BCL9L: variants seen among roughly 807,000 people sequenced by gnomAD.
BCL9L encodes the protein B-cell CLL/lymphoma 9-like protein.
BCL9L carries 19 observed loss-of-function variants against 99.4 expected under a neutral mutation model. The observed-to-expected ratio is 0.19, with a 90% CI of 0.13 to 0.28. The LOEUF (loss-of-function observed/expected upper bound fraction) is 0.28, where lower values mean the gene tolerates loss of function less well. Among genes scored for constraint, BCL9L ranks in the 10% least tolerant of loss-of-function variants. The pLI is 1.00. For synonymous variants in BCL9L, 900 were observed against 854.8 expected (o/e 1.05, Z -0.92); for missense variants, 2,023 against 2,101.6 (o/e 0.96, Z 0.73).
chr11:118,910,242 G>A, intron 2 of BCL9L: 1 of 411,810 alleles, frequency 2.4e-6, no homozygotes, highest in Non-Finnish European at 4.6e-6. Flanking sequence ...GCAAGCCTCC[G>A]CCCCGACGGG....
At chr11:118,907,707 G>C (rs1940585358) in intron 4 of BCL9L, 105 bp from the exon 5 acceptor site, 1 of 1,522,430 alleles carries the variant, frequency 6.6e-7, no homozygotes, top group Admixed American at 2.0e-5. Flanking sequence ...CCACCCTAGA[G>C]GGCACTGCCC....
In BCL9L at chr11:118,897,720, C is replaced by G. The variant is rs1316112867; in HGVS notation, c.*695G>C. ...CCTGGGTCCAGGGGAATGGAGGGAG[C>G]AATAACTTGAAGAAGGGGGGAAGGG... On this transcript the variant is annotated 3_prime_UTR_variant, in exon 10 of 10. Coordinates refer to ENST00000683865, the MANE Select transcript of BCL9L (RefSeq NM_001378213.1). The G allele has an allele frequency of 2.2e-6, 1 of 448,884 alleles. No homozygotes were observed. The highest frequency in any genetic ancestry group is 7.0e-5 in the East Asian group (1 of 14,364). The allele number at this position is 448,884 out of a possible 1,614,324, so 27.8% of individuals were successfully genotyped here. A position where few individuals can be genotyped will look rare whatever the true frequency, so the allele number is the denominator to read the frequency against.
intron 3 of BCL9L, among the ~76,000 whole-genome samples, chr11:118,909,236 G>C (rs1480230747): frequency 6.6e-6 from 1 of 152,006 alleles, no homozygotes; most frequent in Non-Finnish European, 1.5e-5. Flanking sequence ...AGGCCAGGCC[G>C]GCAGGCAGAA....
In BCL9L at chr11:118,900,521, T is replaced by A; in HGVS notation, c.3124+98A>T. The A allele has an allele frequency of 6.7e-7, 1 of 1,488,788 alleles. No homozygotes were observed. The highest frequency in any genetic ancestry group is 1.4e-5 in the South Asian group (1 of 73,756). 92.2% of individuals were successfully genotyped at this position (1,488,788 alleles called of 1,614,324 possible). A position where few individuals can be genotyped will look rare whatever the true frequency, so the allele number is the denominator to read the frequency against. The stretch of plus-strand genomic sequence containing the variant: ...GAGCCATCCACCTCTGGGCCCGTGG[T>A]ACACAGGCCCTTACTCACTCACTGC... On this transcript the variant is annotated intron_variant, in intron 8 of 9. Coordinates refer to ENST00000683865, the MANE Select transcript of BCL9L (RefSeq NM_001378213.1). This position sits in a 1 kb window ranked among gnomAD's most constrained non-coding sequence, Gnocchi z 5.3.
Position 118,902,896 on chromosome 11 carries a change from G to T in BCL9L, c.847C>A (p.Pro283Thr). 6.4e-7 allele frequency: 1 copy of T among 1,568,606 alleles called. No homozygotes were observed. The highest frequency in any genetic ancestry group is 8.6e-7 in the Non-Finnish European group (1 of 1,161,804). The part of the protein sequence containing the change: ...RAKLDQAPKV[P>T]PTPEPLPLST... The stretch of plus-strand genomic sequence containing the variant: ...AGGGGTAGCGGTTCTGGGGTGGGGG[G>T]CACTTTAGGGGCCTGCAGAAGGACA... Residue 283 changes from proline to threonine, a missense_variant, in exon 8 of 10, where the codon CCC becomes ACC. Transcript: ENST00000683865. The surrounding 1 kb of genome is among the most constrained non-coding windows in gnomAD (Gnocchi z 7.8).
rs1364750890 is a variant in BCL9L at position 118,902,523 on chromosome 11, C to T, written c.1220G>A (p.Arg407Gln). 2 of 1,605,436 alleles carry T rather than the reference C, an allele frequency of 1.2e-6. No individual in the cohort carries two copies. The highest frequency in any genetic ancestry group is 8.5e-7 in the Non-Finnish European group (1 of 1,179,872). ...TCGCAGCGTCTGGAGGGACCGTTCCCGATGCTCCAGCTGCTCTTTGGACAA... is the reference window on the plus strand; with the variant it reads ...TCGCAGCGTCTGGAGGGACCGTTCCTGATGCTCCAGCTGCTCTTTGGACAA... ...EGLSKEQLEH[R>Q]ERSLQTLRDI... The change falls in exon 8 of 10, where the codon CGG becomes CAG. Residue 407 changes from arginine to glutamine, a missense_variant. By Grantham distance (43) the Arg-to-Gln change is conservative (BLOSUM62 1). Coordinates refer to ENST00000683865, the MANE Select transcript of BCL9L (RefSeq NM_001378213.1). The surrounding 1 kb of genome is among the most constrained non-coding windows in gnomAD (Gnocchi z 7.8).
chr11:118,899,829 C>CA, intron 9 of BCL9L, 88 bp downstream of exon 9: 2 of 1,488,008 alleles, frequency 1.3e-6, no homozygotes, highest in Admixed American at 2.1e-5. Context: ...TTCAGAGGCA[C>CA]AAAAAAGCCA....
chr11:118,897,520 G>A lies in BCL9L; in HGVS notation c.*895C>T, dbSNP rs1024495264. 9 of 336,200 alleles carry A rather than the reference G, an allele frequency of 2.7e-5. No individual in the cohort carries two copies. The highest frequency in any genetic ancestry group is 9.0e-5 in the South Asian group (4 of 44,248). 20.8% of individuals were successfully genotyped at this position (336,200 alleles called of 1,614,324 possible). A position where few individuals can be genotyped will look rare whatever the true frequency, so the allele number is the denominator to read the frequency against. On this transcript the variant is annotated 3_prime_UTR_variant, in exon 10 of 10. Coordinates refer to ENST00000683865, the MANE Select transcript of BCL9L (RefSeq NM_001378213.1). ...ATCACTCAGCAGCAGACAGGCTGCCGCCCTGGGGGTCTCAGCCCTGCTAGG... is the reference window on the plus strand; with the variant it reads ...ATCACTCAGCAGCAGACAGGCTGCCACCCTGGGGGTCTCAGCCCTGCTAGG...
chr11:118,909,157 C>G (rs575558732), intron 3 of BCL9L, among the ~76,000 whole-genome samples: 1 of 152,190 alleles, frequency 6.6e-6, no homozygotes, highest in African/African-American at 2.4e-5. Flanking sequence ...AGTGGGAAAA[C>G]GCACACCAGG....
At chr11:118,905,744 G>A (rs1940489675) in intron 5 of BCL9L, among the ~76,000 whole-genome samples, 1 of 152,054 alleles carries the variant, frequency 6.6e-6, no homozygotes, top group Non-Finnish European at 1.5e-5. Context: ...TTGAACTCAG[G>A]AGGCAGAGGT....
intron 1 of BCL9L, among the ~76,000 whole-genome samples, chr11:118,923,181 T>C (rs1248759216): frequency 6.6e-6 from 1 of 152,132 alleles, no homozygotes; most frequent in East Asian, 1.9e-4. Flanking sequence ...CTGGGCTCCA[T>C]GGAGCTCCAT....
intron 2 of BCL9L, chr11:118,910,238 C>G: frequency 2.3e-6 from 1 of 432,952 alleles, no homozygotes; most frequent in Non-Finnish European, 4.3e-6. Context: ...TCCAGCAAGC[C>G]TCCGCCCCGA....
intron 3 of BCL9L, 145 bp downstream of exon 3, chr11:118,909,769 C>T (rs1359638595): frequency 7.4e-7 from 1 of 1,349,512 alleles, no homozygotes; most frequent in Non-Finnish European, 1.0e-6. Flanking sequence ...CATGCTAACC[C>T]CCCTTTAGCC....
Position 118,898,139 on chromosome 11 carries a change from TAGAG to T in BCL9L, c.*272_*275del. 3.5e-6 allele frequency: 2 copies of T among 568,924 alleles called. No individual in the cohort carries two copies. Among genetic ancestry groups the T allele is most frequent in the Admixed American group, 3.2e-5 (1 of 31,642 alleles). 35.2% of individuals were successfully genotyped at this position (568,924 alleles called of 1,614,324 possible). A position where few individuals can be genotyped will look rare whatever the true frequency, so the allele number is the denominator to read the frequency against. On this transcript the variant is annotated 3_prime_UTR_variant, in exon 10 of 10. Coordinates refer to ENST00000683865, the MANE Select transcript of BCL9L (RefSeq NM_001378213.1). ...CAGGGATGCACGGAAAGAGGTAAAA[TAGAG>T]AGGCTCCATAGGAATTGGGAGGAGT... is the stretch of plus-strand genomic sequence containing the variant.
In BCL9L at chr11:118,900,765, C is replaced by T; in HGVS notation, c.2978G>A (p.Ser993Asn). The change falls in exon 8 of 10, where the codon AGC (serine) becomes AAC (asparagine). Residue 993 changes from serine to asparagine, a missense_variant. Physicochemically the swap from Ser to Asn is conservative, Grantham distance 46. Around this residue, in one of 3 missense-constraint regions of BCL9L, gnomAD observed 902 missense variants for 888.2 expected, o/e 1.02. Coordinates refer to ENST00000683865, the MANE Select transcript of BCL9L (RefSeq NM_001378213.1). This position sits in a 1 kb window ranked among gnomAD's most constrained non-coding sequence, Gnocchi z 5.3. Reference sequence around the variant, plus strand: ...CGCCATGGAAGGAGACTTGAGCCTGCTGGGCGAGCCAGTGGGTGAACGGAC... The same window carrying T: ...CGCCATGGAAGGAGACTTGAGCCTGTTGGGCGAGCCAGTGGGTGAACGGAC... Reference protein sequence around the residue: ...LSVRSPTGSPSRLKSPSMAVP... With the variant: ...LSVRSPTGSPNRLKSPSMAVP... 1 of 1,613,666 alleles carries T rather than the reference C, an allele frequency of 6.2e-7. No homozygotes were observed. The highest frequency in any genetic ancestry group is 8.5e-7 in the Non-Finnish European group (1 of 1,179,908).
chr11:118,899,145 G>T lies in BCL9L; in HGVS notation c.3770C>A (p.Ser1257Ter). 1 of 1,515,050 alleles carries T rather than the reference G, an allele frequency of 6.6e-7. No individual in the cohort carries two copies. The highest frequency in any genetic ancestry group is 1.4e-5 in the African/African-American group (1 of 73,142). 93.9% of individuals were successfully genotyped at this position (1,515,050 alleles called of 1,614,324 possible). The change falls in exon 10 of 10, where the codon TCA becomes TAA. Residue 1257 changes from serine to a stop codon, truncating the protein, a stop_gained. Coordinates refer to ENST00000683865, the MANE Select transcript of BCL9L (RefSeq NM_001378213.1). LOFTEE classifies it high-confidence loss of function. ...GGPGLQQHYP[S>*]GMALPPEDLP... is the part of the protein sequence containing the mutation. ...GTCCTCGGGAGGCAGGGCCATGCCTGACGGGTAGTGCTGCTGCAGGCCAGG... is the reference window on the plus strand; with the variant it reads ...GTCCTCGGGAGGCAGGGCCATGCCTTACGGGTAGTGCTGCTGCAGGCCAGG...
chr11:118,909,896 G>A lies in BCL9L; in HGVS notation c.26+18C>T, dbSNP rs746722434. On this transcript the variant is annotated intron_variant, in intron 3 of 9. Coordinates refer to ENST00000683865, the MANE Select transcript of BCL9L (RefSeq NM_001378213.1). ...CACTCCACACACACACATCCCACCC[G>A]CCACGACACCCACACACCTTGTCTT... The A allele has an allele frequency of 3.1e-6, 5 of 1,613,764 alleles. No homozygotes were observed. The highest frequency in any genetic ancestry group is 1.7e-5 in the Admixed American group (1 of 59,982).
At position 118,914,836 on chromosome 11, in the gene BCL9L, G is replaced by C. The variant is rs1266243868; in HGVS notation, c.-77+3990C>G. On this transcript the variant is annotated intron_variant, in intron 2 of 9. Coordinates refer to ENST00000683865, the MANE Select transcript of BCL9L (RefSeq NM_001378213.1). This position sits in a 1 kb window ranked among gnomAD's most constrained non-coding sequence, Gnocchi z 4.4. ...CCCTGGCAGGCAGTATGATGCAGTGGAATAAGAACTGAGTTTGAGGGCCGG... is the reference window on the plus strand; with the variant it reads ...CCCTGGCAGGCAGTATGATGCAGTGCAATAAGAACTGAGTTTGAGGGCCGG... Among the ~76,000 whole-genome samples, 1 of 152,216 alleles carries C rather than the reference G, an allele frequency of 6.6e-6. No homozygotes were observed. Among genetic ancestry groups the C allele is most frequent in the African/African-American group, 2.4e-5 (1 of 41,448 alleles).
intron 4 of BCL9L, 148 bp downstream of exon 4, chr11:118,908,122 G>T: frequency 8.7e-7 from 1 of 1,146,564 alleles, no homozygotes; most frequent in East Asian, 2.6e-5. Context: ...TCTGGTTGGT[G>T]GGTGTTGAAA....
Sources: gnomAD v4.1 joint callset for allele counts (sites outside exome capture counted in the v4.1 genomes callset) on GRCh38, gnomAD v4.1.1 for gene constraint, gnomAD v4.1.1 regional missense constraint, Gnocchi (gnomAD v3.1) non-coding constraint, MANE v1.5 for transcripts, NCBI Gene and HGNC (gene_info 2026-07-23, HGNC 2026-07-21) for gene names.